The following DACH1 variants were observed in gnomAD, a reference collection of about 807,000 sequenced individuals.
DACH1 encodes the protein dachshund family transcription factor 1, also known as dachshund homolog 1.
In DACH1, 12 loss-of-function variants were observed where a neutral mutation model predicts 54.2. The ratio of observed to expected loss-of-function variants is 0.22; its 90% CI spans 0.14 to 0.36. The LOEUF (loss-of-function observed/expected upper bound fraction) is 0.36, where lower values mean the gene tolerates loss of function less well. DACH1 is among the 10% of genes least tolerant of loss of function. The pLI is 1.00. For missense variants in DACH1, 805 were observed against 929.8 expected (o/e 0.87, Z 1.75); for synonymous variants, 386 against 366.2 (o/e 1.05, Z -0.62).
At chr13:71,492,731 G>C (rs1228152207) in intron 6 of DACH1, among the ~76,000 whole-genome samples, 1 of 149,018 alleles carries the variant, frequency 6.7e-6, no homozygotes, top group Non-Finnish European at 1.5e-5. Context: ...CTCTTGTTCT[G>C]TGTGTGTGTG....
intron 8 of DACH1, among the ~76,000 whole-genome samples, chr13:71,478,091 G>A (rs1169620383): frequency 6.6e-6 from 1 of 152,152 alleles, no homozygotes; most frequent in East Asian, 1.9e-4. Flanking sequence ...AAAATTAAGT[G>A]AGAACAAAAT....
chr13:71,675,899 T>C (rs1880537513), intron 2 of DACH1, among the ~76,000 whole-genome samples: 3 of 152,312 alleles, frequency 2.0e-5, no homozygotes, highest in Admixed American at 6.5e-5. Context: ...TTCACTATAC[T>C]TTTCTGAGTT....
chr13:71,794,690 G>A (rs532031775), intron 1 of DACH1, among the ~76,000 whole-genome samples: 7 of 152,080 alleles, frequency 4.6e-5, no homozygotes, highest in South Asian at 2.1e-4. Context: ...CTCCCACCTC[G>A]GCCTCCCAAA....
At chr13:71,608,257 C>G (rs1322897503) in intron 3 of DACH1, among the ~76,000 whole-genome samples, 1 of 151,918 alleles carries the variant, frequency 6.6e-6, no homozygotes, top group Non-Finnish European at 1.5e-5. Context: ...ATCCAGCATA[C>G]ATATAAACAA....
chr13:71,468,921 A>G (rs1362925852), intron 10 of DACH1, among the ~76,000 whole-genome samples: 1 of 152,130 alleles, frequency 6.6e-6, no homozygotes, highest in Middle Eastern at 3.2e-3. Context: ...GAAAGGAAAC[A>G]TTTTTTCAAT....
chr13:71,758,789 T>C (rs1594186156), intron 1 of DACH1, among the ~76,000 whole-genome samples: 1 of 152,196 alleles, frequency 6.6e-6, no homozygotes, highest in African/African-American at 2.4e-5. Context: ...GGCATATAAT[T>C]TCTACGGGTA....
intron 1 of DACH1, among the ~76,000 whole-genome samples, chr13:71,864,354 C>G (rs1593664093): frequency 6.6e-6 from 1 of 152,096 alleles, no homozygotes; most frequent in African/African-American, 2.4e-5. Flanking sequence ...GAATCTTTTT[C>G]GTTTCACAGC....
intron 3 of DACH1, among the ~76,000 whole-genome samples, chr13:71,601,471 T>A (rs1015365657): frequency 4.6e-5 from 7 of 152,078 alleles, no homozygotes; most frequent in African/African-American, 1.7e-4. Context: ...TCTGTTCTTT[T>A]ATTTGCCTTG....
chr13:71,568,156 A>G (rs998102542), intron 4 of DACH1, among the ~76,000 whole-genome samples: 1 of 152,206 alleles, frequency 6.6e-6, no homozygotes, highest in East Asian at 1.9e-4. Context: ...GTATCTGAAG[A>G]CCCTAAATCA....
At chr13:71,824,997 GC>G (rs908940527) in intron 1 of DACH1, among the ~76,000 whole-genome samples, 1 of 151,922 alleles carries the variant, frequency 6.6e-6, no homozygotes, top group Non-Finnish European at 1.5e-5. Context: ...TCTTAAGGAG[GC>G]CCCCACAGGA....
intron 1 of DACH1, among the ~76,000 whole-genome samples, chr13:71,825,230 A>G (rs1594268379): frequency 1.3e-5 from 2 of 152,140 alleles, no homozygotes; most frequent in African/African-American, 4.8e-5. Context: ...TATAAAAAAT[A>G]AACTGCACAG....
At chr13:71,730,385 G>A (rs1883684571) in intron 1 of DACH1, among the ~76,000 whole-genome samples, 2 of 152,056 alleles carry the variant, frequency 1.3e-5, no homozygotes, top group South Asian at 2.1e-4. Flanking sequence ...TAAAAGCTAA[G>A]TACAGAGAAG....
Position 71,866,366 on chromosome 13 carries a change from T to C in DACH1, c.404A>G (p.Asn135Ser). Residue 135 changes from asparagine to serine, a missense_variant, in exon 1 of 11, where the codon AAC becomes AGC. This residue lies in a region of DACH1 where 305 missense variants were observed against 308.7 expected (regional missense o/e 0.99). Transcript: ENST00000613252. Reference protein sequence around the residue: ...GGGVASSTPINASTGSSSSSS... With the variant: ...GGGVASSTPISASTGSSSSSS... ...GCTGCTGCTGCTGCCGGTGCTGGCG[T>C]TGATGGGGGTGCTGGAAGCGACGCC... 6.6e-7 allele frequency: 1 copy of C among 1,511,740 alleles called. No individual in the cohort carries two copies. Among genetic ancestry groups the C allele is most frequent in the Non-Finnish European group, 8.9e-7 (1 of 1,126,494 alleles). 93.6% of individuals were successfully genotyped at this position (1,511,740 alleles called of 1,614,324 possible). A position where few individuals can be genotyped will look rare whatever the true frequency, so the allele number is the denominator to read the frequency against.
intron 1 of DACH1, among the ~76,000 whole-genome samples, chr13:71,840,594 TC>T (rs1191104061): frequency 6.6e-6 from 1 of 152,218 alleles, no homozygotes; most frequent in African/African-American, 2.4e-5. Flanking sequence ...CATATTTATG[TC>T]TGCTTATTTT....
intron 1 of DACH1, among the ~76,000 whole-genome samples, chr13:71,829,356 TTG>T (rs1555327594): frequency 6.6e-6 from 1 of 151,924 alleles, no homozygotes; most frequent in Non-Finnish European, 1.5e-5. Context: ...TAGAATGACT[TTG>T]GACTTAATTT....
At chr13:71,588,818 C>T (rs1001180619) in intron 3 of DACH1, among the ~76,000 whole-genome samples, 3 of 151,862 alleles carry the variant, frequency 2.0e-5, no homozygotes, top group African/African-American at 7.2e-5. Context: ...ATTTTCCTCC[C>T]TTTCTTTAAT....
At chr13:71,842,234 G>A (rs1478584534) in intron 1 of DACH1, among the ~76,000 whole-genome samples, 1 of 152,130 alleles carries the variant, frequency 6.6e-6, no homozygotes, top group Non-Finnish European at 1.5e-5. Context: ...CATAAGGTAA[G>A]TGAACAAAAA....
At chr13:71,469,428 G>C (rs2138158065) in intron 10 of DACH1, among the ~76,000 whole-genome samples, 1 of 152,072 alleles carries the variant, frequency 6.6e-6, no homozygotes, top group East Asian at 1.9e-4. Context: ...CTTTGGAGCT[G>C]TAAGTTAACA....
rs1297612953 is a variant in DACH1, at chr13:71,496,278, T to C, written c.1571-7130A>G. Among the ~76,000 whole-genome samples, 79 of 108,350 alleles carry C rather than the reference T, an allele frequency of 7.3e-4. 3 individuals are homozygous for C. Among genetic ancestry groups the C allele is most frequent in the Non-Finnish European group, 7.9e-4 (41 of 52,038 alleles). The allele number at this position is 108,350 out of a possible 152,430, so 71.1% of individuals were successfully genotyped here. On this transcript the variant is annotated intron_variant, in intron 6 of 10. Coordinates refer to ENST00000613252, the MANE Select transcript of DACH1 (RefSeq NM_080759.6). ...ATTGCTATGTATATATATATATATATATATATATATATATATATATATATA... is the reference window on the plus strand; with the variant it reads ...ATTGCTATGTATATATATATATATACATATATATATATATATATATATATA...
Sources: allele counts gnomAD v4.1 joint callset (sites outside exome capture counted in the v4.1 genomes callset), GRCh38; gene constraint gnomAD v4.1.1; regional missense constraint gnomAD v4.1.1; transcripts MANE v1.5; gene names NCBI Gene and HGNC (gene_info 2026-07-23, HGNC 2026-07-21).